CSMD1: variants seen among roughly 807,000 people sequenced by gnomAD.
The protein encoded by CSMD1 is CUB and Sushi multiple domains 1, also known as CUB and sushi domain-containing protein 1.
Under a neutral mutation model 417.5 loss-of-function variants are expected in CSMD1, and 213 were observed. The observed-to-expected ratio is 0.51, with a 90% CI of 0.46 to 0.57. The LOEUF is 0.57. CSMD1 is among the 20% of genes least tolerant of loss of function. The pLI is 0.00. For synonymous variants in CSMD1, 2,862 were observed against 1,736.8 expected (o/e 1.65, Z -16.11); for missense variants, 6,923 against 4,529.7 (o/e 1.53, Z -15.17).
intron 3 of CSMD1, among the ~76,000 whole-genome samples, chr8:4,078,402 C>T (rs990664143): frequency 2.0e-5 from 3 of 149,762 alleles, no homozygotes; most frequent in African/African-American, 4.9e-5. Flanking sequence ...GCAAGCTCCA[C>T]CTCCCGGGTT....
At position 3,967,893 on chromosome 8, in the gene CSMD1, C is replaced by T. The variant is rs1585048778; in HGVS notation, c.818+30010G>A. ...TAAGAATGTGCCACAATTGGCCGGGCGCAGTGGCTCACACGTGTAATCCCA... is the reference window on the plus strand; with the variant it reads ...TAAGAATGTGCCACAATTGGCCGGGTGCAGTGGCTCACACGTGTAATCCCA... On this transcript the variant is annotated intron_variant, in intron 5 of 69. Coordinates refer to ENST00000635120, the MANE Select transcript of CSMD1 (RefSeq NM_033225.6). 4.6e-5 allele frequency among the ~76,000 whole-genome samples: 7 copies of T among 150,966 alleles called. No homozygotes were observed. The South Asian group carries it at 1.0e-3, about 23-fold the overall frequency.
rs142710567 is a variant in CSMD1, at chr8:4,031,179, G to C, written c.610+726C>G. Among the ~76,000 whole-genome samples the C allele has an allele frequency of 1.8e-4, 27 of 152,132 alleles. No individual in the cohort carries two copies. In the South Asian group the frequency reaches 4.6e-3, roughly 26 times the overall value. ...TCCAAAGTCGCTTCCACATCTTTTG[G>C]TATCTTTTCAGGAGTACCCCACTCC... On this transcript the variant is annotated intron_variant, in intron 4 of 69. Coordinates refer to ENST00000635120, the MANE Select transcript of CSMD1 (RefSeq NM_033225.6).
At chr8:4,896,889 T>TA (rs2117025262) in intron 1 of CSMD1, among the ~76,000 whole-genome samples, 1 of 152,174 alleles carries the variant, frequency 6.6e-6, no homozygotes, top group African/African-American at 2.4e-5. Context: ...CAGGAAAAAG[T>TA]AACAGTATCT....
chr8:4,551,696 A>C (rs1484897862), intron 2 of CSMD1, among the ~76,000 whole-genome samples: 2 of 152,008 alleles, frequency 1.3e-5, no homozygotes, highest in Non-Finnish European at 2.9e-5. Context: ...TTTTTGAGAC[A>C]GGGTCTTGCT....
chr8:3,828,434 A>G (rs2129086272), intron 5 of CSMD1, among the ~76,000 whole-genome samples: 1 of 152,328 alleles, frequency 6.6e-6, no homozygotes, highest in East Asian at 1.9e-4. Flanking sequence ...GACTTGGAAT[A>G]CAAAAAGAAT....
chr8:4,491,354 G>C (rs1801689744), intron 2 of CSMD1, among the ~76,000 whole-genome samples: 2 of 152,280 alleles, frequency 1.3e-5, no homozygotes, highest in East Asian at 3.9e-4. Context: ...ACGTGTCCAG[G>C]ATTTTCTAGC....
chr8:3,771,878 A>T (rs1464076983), intron 5 of CSMD1, among the ~76,000 whole-genome samples: 1 of 152,054 alleles, frequency 6.6e-6, no homozygotes, highest in Non-Finnish European at 1.5e-5. Context: ...TGAATCTGCC[A>T]CAGTCCTGAT....
At chr8:3,693,413 G>C (rs1376876593) in intron 7 of CSMD1, among the ~76,000 whole-genome samples, 2 of 152,132 alleles carry the variant, frequency 1.3e-5, no homozygotes, top group African/African-American at 4.8e-5. Flanking sequence ...TGTGGGATAG[G>C]CTGACAATTG....
chr8:4,434,192 T>C (rs1452582731), intron 2 of CSMD1, among the ~76,000 whole-genome samples: 2 of 152,012 alleles, frequency 1.3e-5, no homozygotes, highest in African/African-American at 2.4e-5. Context: ...ACAGAAATTA[T>C]CCAGGCATGG....
At position 3,394,012 on chromosome 8, in the gene CSMD1, T is replaced by TAA. The variant is rs1554536992; in HGVS notation, c.2593+2181_2593+2182insTT. ...ATAATAATAATAATAAAAAAATAAA[T>TAA]TATATATATATATATATATATATAT... On this transcript the variant is annotated intron_variant, in intron 17 of 69. Transcript: ENST00000635120. 2.2e-3 allele frequency among the ~76,000 whole-genome samples: 69 copies of TAA among 31,616 alleles called. 2 individuals are homozygous for TAA. The East Asian group carries it at 0.046, about 21-fold the overall frequency. 20.7% of individuals were successfully genotyped at this position (31,616 alleles called of 152,430 possible).
intron 3 of CSMD1, among the ~76,000 whole-genome samples, chr8:4,295,586 AG>A (rs1325067909): frequency 6.9e-6 from 1 of 144,636 alleles, no homozygotes; most frequent in African/African-American, 2.5e-5. Context: ...GGGCTTATTA[AG>A]GGCTTAAGAT....
At chr8:2,969,543 T>C (rs1284405241) in intron 57 of CSMD1, among the ~76,000 whole-genome samples, 2 of 152,232 alleles carry the variant, frequency 1.3e-5, no homozygotes, top group Non-Finnish European at 2.9e-5. Flanking sequence ...CTCCTCCTTT[T>C]TATAATTTAT....
Position 3,888,927 on chromosome 8 carries a change from T to C in CSMD1, c.818+108976A>G, listed in dbSNP as rs141388464. Among the ~76,000 whole-genome samples the C allele has an allele frequency of 1.6e-3, 242 of 152,304 alleles. 3 individuals carry two copies. The highest frequency in any genetic ancestry group is 5.5e-3 in the African/African-American group (227 of 41,576). ...TAATTAAAAGCATATCTTTATACCA[T>C]TTAGGTTTATGTGAAGATTTTATTA... is the stretch of plus-strand genomic sequence containing the variant. On this transcript the variant is annotated intron_variant, in intron 5 of 69. Coordinates refer to ENST00000635120, the MANE Select transcript of CSMD1 (RefSeq NM_033225.6).
At chr8:3,595,152 C>T (rs998931191) in intron 8 of CSMD1, among the ~76,000 whole-genome samples, 7 of 152,112 alleles carry the variant, frequency 4.6e-5, no homozygotes, top group Admixed American at 1.3e-4. Context: ...GACAATTCAC[C>T]GGATGGCCTC....
chr8:3,320,265 CA>C (rs1806065869), intron 23 of CSMD1, among the ~76,000 whole-genome samples: 1 of 152,154 alleles, frequency 6.6e-6, no homozygotes, highest in Non-Finnish European at 1.5e-5. Context: ...AAATGGGAGA[CA>C]ACTGAGTTCT....
intron 3 of CSMD1, among the ~76,000 whole-genome samples, chr8:4,073,123 A>C (rs981572013): frequency 4.6e-5 from 7 of 152,190 alleles, no homozygotes; most frequent in African/African-American, 1.7e-4. Context: ...ATGATTCTAG[A>C]AATTGGCAGA....
chr8:3,494,744 G>A (rs1386402748), intron 10 of CSMD1, among the ~76,000 whole-genome samples: 1 of 152,152 alleles, frequency 6.6e-6, no homozygotes, highest in African/African-American at 2.4e-5. Flanking sequence ...GTGTGAGAAA[G>A]GAAGGCGGAA....
chr8:3,848,221 T>C (rs1803645856), intron 5 of CSMD1, among the ~76,000 whole-genome samples: 1 of 152,330 alleles, frequency 6.6e-6, no homozygotes. Context: ...TGTCAGGACA[T>C]TGATCCTGCC....
Position 4,333,272 on chromosome 8 carries a change from G to A in CSMD1, c.415+86681C>T, listed in dbSNP as rs149626855. 1.8e-3 allele frequency among the ~76,000 whole-genome samples: 272 copies of A among 152,184 alleles called. 4 individuals carry two copies. The East Asian group carries it at 0.044, about 24-fold the overall frequency. On this transcript the variant is annotated intron_variant, in intron 3 of 69. Coordinates refer to ENST00000635120, the MANE Select transcript of CSMD1 (RefSeq NM_033225.6). ...CAATTCTATTAAAGCCAATCCTGAC[G>A]CTAAGTCCTCACCTGAAAGAAGCGT...
Sources: allele counts gnomAD v4.1 joint callset (sites outside exome capture counted in the v4.1 genomes callset), GRCh38; gene constraint gnomAD v4.1.1; transcripts MANE v1.5; gene names NCBI Gene and HGNC (gene_info 2026-07-23, HGNC 2026-07-21).